Variants in TENM3 observed in about 807,000 individuals in gnomAD.
The protein encoded by TENM3 is teneurin transmembrane protein 3, also known as teneurin-3.
TENM3 carries 63 observed loss-of-function variants against 255.1 expected under a neutral mutation model. That is an observed-to-expected ratio of 0.25 (90% confidence interval 0.20 to 0.30). The LOEUF is 0.30. Among genes scored for constraint, TENM3 ranks in the 10% least tolerant of loss-of-function variants. The pLI is 1.00. For missense variants in TENM3, 2,929 were observed against 3,461.1 expected (o/e 0.85, Z 3.86); for synonymous variants, 1,306 against 1,322.3 (o/e 0.99, Z 0.27).
chr4:181,610,740 T>G, the TENM3 span, among the ~76,000 whole-genome samples: 1 of 151,922 alleles, frequency 6.6e-6, no homozygotes, highest in Admixed American at 6.6e-5. Context: ...GGCTTTTCTT[T>G]AATAACACGG....
intron 1 of TENM3, among the ~76,000 whole-genome samples, chr4:182,291,527 A>G (rs1761126248): frequency 6.6e-6 from 1 of 152,090 alleles, no homozygotes; most frequent in Non-Finnish European, 1.5e-5. Context: ...GGATGCCTGT[A>G]CCTCGTCACA....
chr4:181,702,200 T>A, the TENM3 span, among the ~76,000 whole-genome samples: 2 of 152,218 alleles, frequency 1.3e-5, no homozygotes, highest in Non-Finnish European at 2.9e-5. Flanking sequence ...TGGACAACGT[T>A]CTGAGGCTTC....
chr4:181,691,016 C>T, the TENM3 span, among the ~76,000 whole-genome samples: 24 of 152,194 alleles, frequency 1.6e-4, no homozygotes, highest in African/African-American at 5.3e-4. Context: ...CATCTGCATG[C>T]GTGCTATTTT....
intron 3 of TENM3, among the ~76,000 whole-genome samples, chr4:182,514,579 T>C (rs575326212): frequency 6.6e-6 from 1 of 152,290 alleles, no homozygotes; most frequent in South Asian, 2.1e-4. Context: ...AGATATGATT[T>C]CATATTTCAC....
At chr4:182,377,719 TA>T (rs1172720964) in intron 3 of TENM3, among the ~76,000 whole-genome samples, 2 of 152,208 alleles carry the variant, frequency 1.3e-5, no homozygotes, top group African/African-American at 4.8e-5. Flanking sequence ...TGATATTGTT[TA>T]TATGATTTTT....
intron 1 of TENM3, among the ~76,000 whole-genome samples, chr4:182,168,698 A>G (rs1215093757): frequency 1.3e-5 from 2 of 152,202 alleles, no homozygotes; most frequent in Non-Finnish European, 2.9e-5. Flanking sequence ...CTGTATATAA[A>G]AGTTTAAGAT....
At chr4:181,826,546 A>G in the TENM3 span, among the ~76,000 whole-genome samples, 1 of 152,274 alleles carries the variant, frequency 6.6e-6, no homozygotes, top group Non-Finnish European at 1.5e-5. Flanking sequence ...ACTAAGCACC[A>G]GGGCCAGGGC....
At chr4:182,753,672 T>C in intron 21 of TENM3, 68 bp downstream of exon 21, 1 of 1,474,868 alleles carries the variant, frequency 6.8e-7, no homozygotes, top group Non-Finnish European at 9.4e-7. Flanking sequence ...GTCGGTAGAC[T>C]ATGATGGCAC....
At chr4:182,200,891 C>T (rs989625302) in intron 1 of TENM3, among the ~76,000 whole-genome samples, 6 of 145,260 alleles carry the variant, frequency 4.1e-5, no homozygotes, top group Non-Finnish European at 8.9e-5. Context: ...ATGGCGCGAT[C>T]TCGGCTCACT....
the TENM3 span, among the ~76,000 whole-genome samples, chr4:181,850,489 A>G: frequency 2.0e-5 from 3 of 152,172 alleles, no homozygotes; most frequent in Non-Finnish European, 4.4e-5. Flanking sequence ...TATATTTCTC[A>G]AAACTTTAAA....
rs780578205 is a variant in TENM3 at position 182,628,888 on chromosome 4, A to G, written c.987A>G (p.Ile329Met). 3 of 1,556,200 alleles carry G rather than the reference A, an allele frequency of 1.9e-6. No individual in the cohort carries two copies. The highest frequency in any genetic ancestry group is 2.6e-6 in the Non-Finnish European group (3 of 1,138,430). Residue 329 changes from isoleucine to methionine, a missense_variant and splice_region_variant, in exon 5 of 28, where the codon ATA (isoleucine) becomes ATG (methionine). Physicochemically the swap from Ile to Met is conservative, Grantham distance 10. Transcript: ENST00000511685. ...VLLAILLSYF[I>M]AMHLFGLNWQ... ...TGGCAATACTCCTGTCTTATTTTAT[A>G]GGTAAGAACAAGTTCTTAGAATTAC... is the stretch of plus-strand genomic sequence containing the variant.
chr4:181,972,250 C>T, the TENM3 span, among the ~76,000 whole-genome samples: 1 of 151,510 alleles, frequency 6.6e-6, no homozygotes, highest in African/African-American at 2.4e-5. Flanking sequence ...GATAAAGCCC[C>T]GTCTCTACAA....
rs1693451098 is a variant in TENM3, at chr4:182,799,278, T to C, written c.7345-318T>C. ...GATGAGCTGGGTTCCCCACGTGGGG[T>C]GGGAGTGGGAAAAGAGCATCTAGAA... On this transcript the variant is annotated intron_variant, in intron 27 of 27. Coordinates refer to ENST00000511685, the MANE Select transcript of TENM3 (RefSeq NM_001080477.4). The surrounding 1 kb of genome is among the most constrained non-coding windows in gnomAD (Gnocchi z 4.2). 6.6e-6 allele frequency among the ~76,000 whole-genome samples: 1 copy of C among 151,828 alleles called. No homozygotes were observed. Among genetic ancestry groups the C allele is most frequent in the South Asian group, 2.1e-4 (1 of 4,798 alleles).
the TENM3 span, among the ~76,000 whole-genome samples, chr4:181,811,853 C>T: frequency 2.0e-5 from 3 of 151,854 alleles, no homozygotes; most frequent in Admixed American, 6.6e-5. Context: ...AGAGCCAAAC[C>T]ACAACACTAG....
chr4:182,527,714 TTG>T (rs1560876546), intron 3 of TENM3, among the ~76,000 whole-genome samples: 1 of 148,640 alleles, frequency 6.7e-6, no homozygotes, highest in Non-Finnish European at 1.5e-5. Context: ...TTTGTTTTTT[TTG>T]GTTGTTGTTG....
intron 1 of TENM3, among the ~76,000 whole-genome samples, chr4:182,237,562 C>T (rs944456853): frequency 5.9e-5 from 9 of 151,980 alleles, no homozygotes; most frequent in Non-Finnish European, 1.3e-4. Context: ...GAGGCCGAGG[C>T]GGGCAGATCA....
chr4:181,591,711 A>G, the TENM3 span, among the ~76,000 whole-genome samples: 2 of 152,176 alleles, frequency 1.3e-5, no homozygotes, highest in Admixed American at 6.5e-5. Flanking sequence ...TGCAGACTGC[A>G]CATGCAAGGG....
the TENM3 span, among the ~76,000 whole-genome samples, chr4:181,775,894 T>A: frequency 1.3e-5 from 2 of 152,184 alleles, no homozygotes; most frequent in African/African-American, 4.8e-5. Flanking sequence ...TATCAATCAC[T>A]CGTGTATTTA....
intron 1 of TENM3, among the ~76,000 whole-genome samples, chr4:182,253,819 GC>G (rs1329043702): frequency 4.6e-5 from 7 of 152,088 alleles, no homozygotes; most frequent in Non-Finnish European, 1.0e-4. Context: ...AGTGACATTT[GC>G]CTCTAAATCG....
Sources: allele counts gnomAD v4.1 joint callset (sites outside exome capture counted in the v4.1 genomes callset), GRCh38; gene constraint gnomAD v4.1.1; non-coding constraint Gnocchi (gnomAD v3.1); transcripts MANE v1.5; gene names NCBI Gene and HGNC (gene_info 2026-07-23, HGNC 2026-07-21).